The following SORCS3 variants were observed in gnomAD, a reference collection of about 807,000 sequenced individuals.
SORCS3 encodes the protein sortilin related VPS10 domain containing receptor 3.
In SORCS3, 57 loss-of-function variants were observed where a neutral mutation model predicts 146.3. That is an observed-to-expected ratio of 0.39 (90% CI 0.31 to 0.49). The LOEUF (loss-of-function observed/expected upper bound fraction) is 0.49. Among genes scored for constraint, SORCS3 ranks in the 20% least tolerant of loss-of-function variants. The pLI, the probability that SORCS3 is intolerant of heterozygous loss-of-function variation, is 0.92. For missense variants in SORCS3, 1,341 were observed against 1,575.5 expected (o/e 0.85, Z 2.52); for synonymous variants, 653 against 618.5 (o/e 1.06, Z -0.83).
intron 1 of SORCS3, among the ~76,000 whole-genome samples, chr10:104,650,219 T>C (rs1009035537): frequency 2.0e-5 from 3 of 152,336 alleles, no homozygotes; most frequent in African/African-American, 7.2e-5. Flanking sequence ...GTTCCCTTTT[T>C]GCCTTCACCC....
At chr10:105,207,680 T>C (rs2056611236) in intron 16 of SORCS3, among the ~76,000 whole-genome samples, 1 of 152,126 alleles carries the variant, frequency 6.6e-6, no homozygotes, top group Non-Finnish European at 1.5e-5. Context: ...TTAGGAGAAA[T>C]TAATGAAGAA....
chr10:104,841,933 A>G (rs1177638962), intron 1 of SORCS3, among the ~76,000 whole-genome samples: 2 of 152,232 alleles, frequency 1.3e-5, no homozygotes, highest in Non-Finnish European at 2.9e-5. Flanking sequence ...AGGTGCACGC[A>G]CTTAGCATCC....
chr10:104,660,526 C>T (rs377134069), intron 1 of SORCS3, among the ~76,000 whole-genome samples: 2 of 152,176 alleles, frequency 1.3e-5, no homozygotes, highest in African/African-American at 2.4e-5. Flanking sequence ...GGGAAGTGAG[C>T]TCCTGTGGCC....
At chr10:105,111,203 C>A (rs2055856888) in intron 7 of SORCS3, among the ~76,000 whole-genome samples, 1 of 152,104 alleles carries the variant, frequency 6.6e-6, no homozygotes, top group Non-Finnish European at 1.5e-5. Flanking sequence ...GTCCCTTTAC[C>A]AGACAAATTT....
chr10:104,791,027 G>A (rs992747685), intron 1 of SORCS3, among the ~76,000 whole-genome samples: 1 of 152,144 alleles, frequency 6.6e-6, no homozygotes, highest in Non-Finnish European at 1.5e-5. Context: ...CATTCCCTTG[G>A]CCAGTTGTTT....
intron 2 of SORCS3, among the ~76,000 whole-genome samples, chr10:104,906,830 G>A (rs1484953162): frequency 6.6e-6 from 1 of 152,040 alleles, no homozygotes; most frequent in Admixed American, 6.5e-5. Flanking sequence ...AGTCATACTT[G>A]GATACACTTT....
Position 105,159,102 on chromosome 10 carries a change from G to A in SORCS3, c.1732+108G>A, listed in dbSNP as rs113879917. ...CTTGAGCATCAGATGAAAGCTGTGA[G>A]CACTCGCCCCAGAAAATATGCAGGG... On this transcript the variant is annotated intron_variant, in intron 11 of 26. Transcript: ENST00000369701. 2.3e-5 allele frequency: 17 copies of A among 725,502 alleles called. 1 individual carries two copies. Among genetic ancestry groups the A allele is most frequent in the African/African-American group, 1.1e-4 (6 of 55,596 alleles). The allele number at this position is 725,502 out of a possible 1,614,324, so 44.9% of individuals were successfully genotyped here.
chr10:105,154,976 G>C (rs1249010911), intron 9 of SORCS3, among the ~76,000 whole-genome samples: 1 of 152,158 alleles, frequency 6.6e-6, no homozygotes, highest in African/African-American at 2.4e-5. Flanking sequence ...AACACAAGTG[G>C]GAAATGTTCC....
intron 1 of SORCS3, among the ~76,000 whole-genome samples, chr10:104,756,292 A>G (rs1163609969): frequency 6.6e-6 from 1 of 152,230 alleles, no homozygotes; most frequent in Admixed American, 6.5e-5. Context: ...ATATAGGATC[A>G]CATAAGAGCA....
At chr10:104,933,970 C>T (rs1024489220) in intron 3 of SORCS3, among the ~76,000 whole-genome samples, 22 of 152,024 alleles carry the variant, frequency 1.4e-4, no homozygotes, top group Admixed American at 4.6e-4. Flanking sequence ...AATTTTTGTA[C>T]TTTTAGTAGA....
intron 20 of SORCS3, among the ~76,000 whole-genome samples, chr10:105,224,658 A>G (rs1042246491): frequency 6.6e-6 from 1 of 152,196 alleles, no homozygotes. Context: ...GAAATAAACC[A>G]CTAAACTGTC....
At chr10:105,071,975 T>C (rs2055559125) in intron 5 of SORCS3, among the ~76,000 whole-genome samples, 1 of 152,154 alleles carries the variant, frequency 6.6e-6, no homozygotes, top group Non-Finnish European at 1.5e-5. Context: ...GATGCAAGGT[T>C]CCTGGGTCTC....
At chr10:104,697,661 C>T (rs1402972084) in intron 1 of SORCS3, among the ~76,000 whole-genome samples, 1 of 152,148 alleles carries the variant, frequency 6.6e-6, no homozygotes, top group Non-Finnish European at 1.5e-5. Context: ...TGGATGATCA[C>T]AGGGCTGTCA....
chr10:105,226,404 T>C (rs1175830267), intron 20 of SORCS3, among the ~76,000 whole-genome samples: 3 of 152,002 alleles, frequency 2.0e-5, no homozygotes, highest in Admixed American at 2.0e-4. Flanking sequence ...TGGGATAAAT[T>C]CAAGTTGATC....
chr10:105,041,523 A>G (rs529073459), intron 4 of SORCS3, among the ~76,000 whole-genome samples: 1 of 151,080 alleles, frequency 6.6e-6, no homozygotes, highest in African/African-American at 2.4e-5. Context: ...GTTTAATTAT[A>G]TGTGTGTATA....
At chr10:104,992,907 G>T (rs1444510714) in intron 4 of SORCS3, among the ~76,000 whole-genome samples, 1 of 151,958 alleles carries the variant, frequency 6.6e-6, no homozygotes, top group Non-Finnish European at 1.5e-5. Context: ...CATTTATTAG[G>T]TATGTTTTTT....
intron 1 of SORCS3, among the ~76,000 whole-genome samples, chr10:104,642,584 C>G (rs1390050352): frequency 2.0e-5 from 3 of 152,102 alleles, no homozygotes; most frequent in Non-Finnish European, 4.4e-5. Flanking sequence ...GGGAGCGGCC[C>G]TGGAAAGCCG....
At chr10:104,703,053 C>A (rs955898695) in intron 1 of SORCS3, among the ~76,000 whole-genome samples, 7 of 152,118 alleles carry the variant, frequency 4.6e-5, no homozygotes, top group Admixed American at 2.0e-4. Context: ...CACTTCAAAT[C>A]GATTGATTAT....
intron 1 of SORCS3, among the ~76,000 whole-genome samples, chr10:104,760,723 G>A (rs973240613): frequency 3.3e-5 from 5 of 152,124 alleles, no homozygotes; most frequent in African/African-American, 1.2e-4. Flanking sequence ...ATGACGTGAC[G>A]ACAGACAGAC....
Sources: allele counts gnomAD v4.1 joint callset (sites outside exome capture counted in the v4.1 genomes callset), GRCh38; gene constraint gnomAD v4.1.1; transcripts MANE v1.5; gene names NCBI Gene and HGNC (gene_info 2026-07-23, HGNC 2026-07-21).